Variants in RALGPS1 observed in about 807,000 individuals in gnomAD.
RALGPS1 encodes the protein Ral GEF with PH domain and SH3 binding motif 1.
In RALGPS1, 19 loss-of-function variants were observed where a neutral mutation model predicts 78.8. The ratio of observed to expected loss-of-function variants is 0.24; its 90% CI spans 0.17 to 0.35. The LOEUF is 0.35. RALGPS1 is among the 10% of genes least tolerant of loss of function. The pLI, the probability that RALGPS1 is intolerant of heterozygous loss-of-function variation, is 1.00. For missense variants in RALGPS1, 454 were observed against 688.3 expected, an observed-to-expected ratio of 0.66 and a Z score of 3.81; for synonymous variants, 228 against 256.3, an observed-to-expected ratio of 0.89 and a Z score of 1.06.
intron 4 of RALGPS1, among the ~76,000 whole-genome samples, chr9:126,989,090 T>G (rs528174638): frequency 2.0e-5 from 3 of 152,074 alleles, no homozygotes; most frequent in East Asian, 3.9e-4. Context: ...ATCAGCATCA[T>G]CATCATCATC....
intron 9 of RALGPS1, among the ~76,000 whole-genome samples, chr9:127,168,455 C>T (rs1023131595): frequency 4.0e-4 from 61 of 152,268 alleles, no homozygotes; most frequent in African/African-American, 1.2e-3. Context: ...GACTGAGGCC[C>T]GGTCATCTGG....
chr9:127,081,766 A>G (rs148015033), intron 8 of RALGPS1, among the ~76,000 whole-genome samples: 20 of 152,302 alleles, frequency 1.3e-4, no homozygotes, highest in African/African-American at 4.6e-4. Flanking sequence ...TGGGGAGGGA[A>G]CATTCCTTGA....
chr9:127,048,948 C>T (rs989331033), intron 5 of RALGPS1, among the ~76,000 whole-genome samples: 9 of 152,134 alleles, frequency 5.9e-5, no homozygotes, highest in Admixed American at 2.6e-4. Context: ...ATTGTTGATT[C>T]TTGGTTTCTC....
chr9:127,000,321 G>A (rs2043171667), intron 4 of RALGPS1, among the ~76,000 whole-genome samples: 1 of 151,998 alleles, frequency 6.6e-6, no homozygotes, highest in Non-Finnish European at 1.5e-5. Context: ...GCTAATGTAG[G>A]CATCTAATGC....
chr9:127,012,399 G>A (rs1309494947), intron 4 of RALGPS1, among the ~76,000 whole-genome samples: 2 of 152,182 alleles, frequency 1.3e-5, no homozygotes, highest in African/African-American at 4.8e-5. Context: ...GAGCCTGACC[G>A]CTTTACAGAG....
rs553286880 is a variant in RALGPS1, at chr9:127,131,954, G to T, written c.611-34115G>T. Among the ~76,000 whole-genome samples, 40 of 152,230 alleles carry T rather than the reference G, an allele frequency of 2.6e-4. No homozygotes were observed. In the South Asian group the frequency reaches 8.3e-3, roughly 32 times the overall value. On this transcript the variant is annotated intron_variant, in intron 8 of 18. Transcript: ENST00000259351. ...CAGTTTCTGATTCAGTAAATCTGGGGCCCGGGAATTTGCATTTCTAACAAG... is the reference window on the plus strand; with the variant it reads ...CAGTTTCTGATTCAGTAAATCTGGGTCCCGGGAATTTGCATTTCTAACAAG...
At chr9:127,190,407 T>C (rs2060960878) in intron 11 of RALGPS1, among the ~76,000 whole-genome samples, 1 of 152,170 alleles carries the variant, frequency 6.6e-6, no homozygotes, top group South Asian at 2.1e-4. Context: ...TACTGCAGCC[T>C]CCACCTCCTG....
At chr9:126,919,038 A>G (rs2034484486) in intron 1 of RALGPS1, among the ~76,000 whole-genome samples, 1 of 152,190 alleles carries the variant, frequency 6.6e-6, no homozygotes, top group Non-Finnish European at 1.5e-5. Flanking sequence ...TCAAGTTGAC[A>G]GTTCCTAGTC....
At chr9:127,153,147 T>G (rs752440798) in intron 8 of RALGPS1, among the ~76,000 whole-genome samples, 5 of 152,202 alleles carry the variant, frequency 3.3e-5, no homozygotes, top group Admixed American at 6.5e-5. Flanking sequence ...GCAGTCAAAC[T>G]GTCTGGGCTG....
chr9:127,126,161 C>T (rs2056603542), intron 8 of RALGPS1, among the ~76,000 whole-genome samples: 1 of 150,564 alleles, frequency 6.6e-6, no homozygotes, highest in African/African-American at 2.4e-5. Context: ...ACCCCCAACT[C>T]CCTGCTACCT....
At chr9:127,080,996 G>T (rs1429820182) in intron 8 of RALGPS1, among the ~76,000 whole-genome samples, 1 of 152,154 alleles carries the variant, frequency 6.6e-6, no homozygotes, top group Non-Finnish European at 1.5e-5. Flanking sequence ...CCTTATCTGT[G>T]TGTCTTTATC....
At chr9:126,938,084 T>C (rs2036424879) in intron 1 of RALGPS1, among the ~76,000 whole-genome samples, 1 of 152,200 alleles carries the variant, frequency 6.6e-6, no homozygotes, top group Non-Finnish European at 1.5e-5. Context: ...AGTATACTTC[T>C]GTGAGTCTCT....
At chr9:127,110,342 C>T (rs912263142) in intron 8 of RALGPS1, among the ~76,000 whole-genome samples, 2 of 152,328 alleles carry the variant, frequency 1.3e-5, no homozygotes, top group East Asian at 3.9e-4. Flanking sequence ...TTCCAGAGCG[C>T]CACCCTGCCT....
intron 14 of RALGPS1, among the ~76,000 whole-genome samples, chr9:127,208,103 G>A (rs989653123): frequency 2.0e-5 from 3 of 152,220 alleles, no homozygotes; most frequent in Admixed American, 2.0e-4. Context: ...TAGTTGGCAC[G>A]TGGCGTGCAG....
intron 4 of RALGPS1, among the ~76,000 whole-genome samples, chr9:127,002,928 G>A: frequency 6.6e-6 from 1 of 152,064 alleles, no homozygotes; most frequent in Non-Finnish European, 1.5e-5. Flanking sequence ...TGTCTTTATA[G>A]CAGCATGATT....
At chr9:127,041,226 G>C (rs1165129059) in intron 5 of RALGPS1, among the ~76,000 whole-genome samples, 1 of 152,074 alleles carries the variant, frequency 6.6e-6, no homozygotes, top group Non-Finnish European at 1.5e-5. Context: ...GGAATAGCTA[G>C]GATTACAGGT....
intron 8 of RALGPS1, among the ~76,000 whole-genome samples, chr9:127,159,823 G>C (rs114832975): frequency 2.5e-3 from 383 of 152,278 alleles, no homozygotes; most frequent in African/African-American, 8.7e-3. Context: ...CACAAATATA[G>C]TTCTGCATGC....
At chr9:127,124,759 A>G (rs1556887) in intron 8 of RALGPS1, among the ~76,000 whole-genome samples, 62,405 of 152,064 alleles carry the variant, frequency 0.41, 14,759 homozygotes, top group Non-Finnish European at 0.52. Context: ...AAAGGTTTTG[A>G]GCAAGACAGT....
At chr9:126,940,403 C>T (rs1010091961) in intron 1 of RALGPS1, among the ~76,000 whole-genome samples, 4 of 151,768 alleles carry the variant, frequency 2.6e-5, no homozygotes, top group African/African-American at 9.7e-5. Flanking sequence ...TACTTTTCTT[C>T]AGTCCCTGTC....
Sources: gnomAD v4.1 joint callset for allele counts (sites outside exome capture counted in the v4.1 genomes callset) on GRCh38, gnomAD v4.1.1 for gene constraint, MANE v1.5 for transcripts, NCBI Gene and HGNC (gene_info 2026-07-23, HGNC 2026-07-21) for gene names.